FGF14: variants seen among roughly 807,000 people sequenced by gnomAD.
The protein encoded by FGF14 is fibroblast growth factor homologous factor 4.
Under a neutral mutation model 25.5 loss-of-function variants are expected in FGF14, and 5 were observed. The ratio of observed to expected loss-of-function variants is 0.20; its 90% confidence interval spans 0.10 to 0.41. The LOEUF (loss-of-function observed/expected upper bound fraction) is 0.41, where lower values mean the gene tolerates loss of function less well. Ranked by LOEUF, FGF14 falls within the 10% of genes least tolerant of loss-of-function variation. The pLI is 1.00. For missense variants in FGF14, 222 were observed against 320.1 expected (o/e 0.69, Z 2.34); for synonymous variants, 138 against 118.3 (o/e 1.17, Z -1.08).
intron 1 of FGF14, among the ~76,000 whole-genome samples, chr13:102,305,830 G>T (rs182923015): frequency 6.6e-6 from 1 of 152,102 alleles, no homozygotes; most frequent in Non-Finnish European, 1.5e-5. Flanking sequence ...TGCACCTAAG[G>T]TTGCCAATAT....
intron 3 of FGF14, among the ~76,000 whole-genome samples, chr13:101,740,799 T>G (rs764772701): frequency 4.6e-5 from 7 of 152,242 alleles, no homozygotes; most frequent in African/African-American, 7.2e-5. Flanking sequence ...AACCTGTTTT[T>G]TATTTTTATT....
At chr13:102,322,379 T>C (rs551794218) in intron 1 of FGF14, among the ~76,000 whole-genome samples, 1 of 152,302 alleles carries the variant, frequency 6.6e-6, no homozygotes, top group South Asian at 2.1e-4. Flanking sequence ...GAAAGACCTA[T>C]TAGGCCTGTC....
intron 3 of FGF14, among the ~76,000 whole-genome samples, chr13:101,736,814 G>A (rs997783835): frequency 4.0e-5 from 6 of 151,648 alleles, no homozygotes; most frequent in Non-Finnish European, 7.4e-5. Context: ...AGTAAGTGGC[G>A]AAGCAGGTTC....
At chr13:101,810,394 T>C (rs1276301133) in intron 3 of FGF14, among the ~76,000 whole-genome samples, 2 of 152,242 alleles carry the variant, frequency 1.3e-5, no homozygotes, top group African/African-American at 4.8e-5. Flanking sequence ...AGAATAGTCA[T>C]AGTTCCATCC....
At chr13:102,176,582 A>G (rs916428051) in intron 1 of FGF14, among the ~76,000 whole-genome samples, 5 of 152,144 alleles carry the variant, frequency 3.3e-5, no homozygotes, top group Admixed American at 1.3e-4. Context: ...AAAATAACAA[A>G]TAATAATAGT....
chr13:102,007,651 T>C (rs1594969843), intron 1 of FGF14, among the ~76,000 whole-genome samples: 1 of 152,308 alleles, frequency 6.6e-6, no homozygotes, highest in Non-Finnish European at 1.5e-5. Context: ...AAACTCTTTA[T>C]ATTAATTGCC....
intron 1 of FGF14, among the ~76,000 whole-genome samples, chr13:101,996,282 A>T (rs1379813119): frequency 6.6e-6 from 1 of 152,172 alleles, no homozygotes; most frequent in Non-Finnish European, 1.5e-5. Flanking sequence ...ATCATGGCAG[A>T]CCTTGATGTT....
At chr13:102,344,352 C>T (rs902781127) in intron 1 of FGF14, among the ~76,000 whole-genome samples, 1 of 152,182 alleles carries the variant, frequency 6.6e-6, no homozygotes, top group African/African-American at 2.4e-5. Flanking sequence ...AACCTATTAG[C>T]TATTGAGATT....
chr13:102,024,367 A>T (rs529984227), intron 1 of FGF14, among the ~76,000 whole-genome samples: 1 of 152,124 alleles, frequency 6.6e-6, no homozygotes, highest in African/African-American at 2.4e-5. Flanking sequence ...CATTTCCATA[A>T]TGACTAATGA....
At chr13:101,859,943 T>C (rs945736291) in intron 3 of FGF14, among the ~76,000 whole-genome samples, 1 of 152,058 alleles carries the variant, frequency 6.6e-6, no homozygotes, top group African/African-American at 2.4e-5. Context: ...TACAGTTTTA[T>C]CTATTTTTAT....
chr13:102,307,417 A>G (rs2055452168), intron 1 of FGF14, among the ~76,000 whole-genome samples: 1 of 152,206 alleles, frequency 6.6e-6, no homozygotes, highest in Admixed American at 6.5e-5. Context: ...AGCATTAAAA[A>G]AACTAATACA....
intron 1 of FGF14, among the ~76,000 whole-genome samples, chr13:102,075,005 G>C (rs894834549): frequency 2.0e-5 from 3 of 152,170 alleles, no homozygotes; most frequent in Non-Finnish European, 4.4e-5. Flanking sequence ...TTTCTTCTGA[G>C]ATCAGGAACA....
At chr13:101,942,187 C>T (rs1474386880) in intron 1 of FGF14, among the ~76,000 whole-genome samples, 1 of 152,132 alleles carries the variant, frequency 6.6e-6, no homozygotes, top group Non-Finnish European at 1.5e-5. Flanking sequence ...TCCTCACATA[C>T]AGCAACTGTG....
Position 101,862,167 on chromosome 13 carries a change from G to A in FGF14, c.408+6558C>T, listed in dbSNP as rs553927556. Among the ~76,000 whole-genome samples the A allele has an allele frequency of 9.2e-5, 14 of 152,166 alleles. No individual in the cohort carries two copies. In the South Asian group the frequency reaches 2.9e-3, roughly 32 times the overall value. On this transcript the variant is annotated intron_variant, in intron 3 of 4. Coordinates refer to ENST00000376143, the MANE Select transcript of FGF14 (RefSeq NM_004115.4). ...GAATCAGGAGTCAGGTGGATTCCAG[G>A]AACATGGTGGAGTAGGCAGAAAACA...
At chr13:102,107,183 A>C (rs1335003255) in intron 1 of FGF14, among the ~76,000 whole-genome samples, 1 of 152,206 alleles carries the variant, frequency 6.6e-6, no homozygotes, top group Non-Finnish European at 1.5e-5. Context: ...TTTTTAAAAA[A>C]ACGAATTAAA....
intron 1 of FGF14, among the ~76,000 whole-genome samples, chr13:102,085,875 G>A (rs2043871079): frequency 6.6e-6 from 1 of 152,176 alleles, no homozygotes; most frequent in Admixed American, 6.5e-5. Flanking sequence ...AAAATCTGAA[G>A]ACAAAGGAAT....
chr13:102,064,242 T>C (rs1716911425), intron 1 of FGF14, among the ~76,000 whole-genome samples: 2 of 152,014 alleles, frequency 1.3e-5, no homozygotes, highest in South Asian at 4.1e-4. Context: ...CTGCTGGTAC[T>C]TTAGTTCTTC....
intron 3 of FGF14, among the ~76,000 whole-genome samples, chr13:101,850,922 G>T (rs2043813056): frequency 6.6e-6 from 1 of 151,722 alleles, no homozygotes; most frequent in African/African-American, 2.4e-5. Flanking sequence ...GATGCAGAAG[G>T]TGTTACATAT....
At chr13:101,763,318 A>G (rs1015813580) in intron 3 of FGF14, among the ~76,000 whole-genome samples, 1 of 152,222 alleles carries the variant, frequency 6.6e-6, no homozygotes, top group African/African-American at 2.4e-5. Context: ...ACTGATTGGC[A>G]TAAGATTGGT....
Sources: allele counts gnomAD v4.1 joint callset (sites outside exome capture counted in the v4.1 genomes callset), GRCh38; gene constraint gnomAD v4.1.1; transcripts MANE v1.5; gene names NCBI Gene and HGNC (gene_info 2026-07-23, HGNC 2026-07-21).